Variants in DGKH observed in about 807,000 individuals in gnomAD.
DGKH encodes DAG kinase eta.
In DGKH, 90 loss-of-function variants were observed where a neutral mutation model predicts 159.3. The observed-to-expected ratio is 0.57, with a 90% confidence interval of 0.48 to 0.67. DGKH has a LOEUF of 0.67. Among genes scored for constraint, DGKH ranks in the 30% least tolerant of loss-of-function variants. The pLI is 0.00. For missense variants in DGKH, 1,181 were observed against 1,506.1 expected (o/e 0.78, Z 3.57); for synonymous variants, 536 against 553.8 (o/e 0.97, Z 0.45).
chr13:42,163,132 T>A (rs9594689), intron 7 of DGKH, among the ~76,000 whole-genome samples: 1 of 149,354 alleles, frequency 6.7e-6, no homozygotes. Context: ...TTGTCCTTGC[T>A]ATAGTTTACT....
At chr13:42,180,762 A>G (rs1284091969) in intron 13 of DGKH, among the ~76,000 whole-genome samples, 3 of 152,210 alleles carry the variant, frequency 2.0e-5, no homozygotes, top group Non-Finnish European at 4.4e-5. Context: ...AATTTGCCAT[A>G]AAGAGGCTGA....
In DGKH at chr13:42,229,171, C is replaced by T; in HGVS notation, c.3646C>T (p.Pro1216Ser). Residue 1216 changes from proline to serine, a missense_variant, in exon 30 of 30, where the codon CCA becomes TCA. This residue lies in a region of DGKH where 84 missense variants were observed against 77.9 expected (regional missense o/e 1.08). Transcript: ENST00000337343. ...AATTAAAGAGCTTGGAAGGAGCACT[C>T]CACAGTCGGAGGTGTAATCATATTG... ...QGIKELGRST[P>S]QSEV 1 of 1,610,054 alleles carries T rather than the reference C, an allele frequency of 6.2e-7. No individual in the cohort carries two copies. Among genetic ancestry groups the T allele is most frequent in the Non-Finnish European group, 8.5e-7 (1 of 1,178,898 alleles).
chr13:42,106,844 C>A (rs1295726735), intron 1 of DGKH, among the ~76,000 whole-genome samples: 9 of 151,590 alleles, frequency 5.9e-5, no homozygotes, highest in Non-Finnish European at 1.2e-4. Flanking sequence ...AGTTCAAGAC[C>A]AGCGTGGCTA....
chr13:42,203,675 G>T (rs1189544613), intron 20 of DGKH, among the ~76,000 whole-genome samples: 1 of 152,018 alleles, frequency 6.6e-6, no homozygotes, highest in Non-Finnish European at 1.5e-5. Flanking sequence ...AGAAACATGG[G>T]ATGGCTAGGG....
intron 1 of DGKH, 26 bp from the exon 2 acceptor site, chr13:42,127,437 G>C (rs1955191398): frequency 6.6e-7 from 1 of 1,525,870 alleles, no homozygotes; most frequent in African/African-American, 1.4e-5. Context: ...TTTTAATCGT[G>C]TCATTGTGCT....
upstream of DGKH, among the ~76,000 whole-genome samples, chr13:42,048,020 TG>T (rs903162934): frequency 1.1e-4 from 7 of 66,392 alleles, no homozygotes; most frequent in Non-Finnish European, 1.7e-4. This position sits in a 1 kb window ranked among gnomAD's most constrained non-coding sequence, Gnocchi z 6.7. Flanking sequence ...GTGCGCCGGA[TG>T]GGGGTGGGGG....
intron 29 of DGKH, among the ~76,000 whole-genome samples, chr13:42,222,615 T>C (rs1347188754): frequency 6.6e-6 from 1 of 152,210 alleles, no homozygotes; most frequent in Non-Finnish European, 1.5e-5. Context: ...GGGGGGATCA[T>C]GATATCCAAC....
At chr13:42,254,380 C>A (rs1958642546) in intron 30 of DGKH, among the ~76,000 whole-genome samples, 1 of 152,158 alleles carries the variant, frequency 6.6e-6, no homozygotes, top group Admixed American at 6.5e-5. Flanking sequence ...GTAATCCCAG[C>A]ACTTTGGGAG....
At chr13:42,250,270 C>T (rs1285502685) in intron 29 of DGKH, among the ~76,000 whole-genome samples, 1 of 151,780 alleles carries the variant, frequency 6.6e-6, no homozygotes, top group Non-Finnish European at 1.5e-5. Flanking sequence ...CGACCGGCCA[C>T]TCCAGCTCCT....
At chr13:42,225,404 A>G (rs1958098955) in intron 29 of DGKH, 1 of 1,308,752 alleles carries the variant, frequency 7.6e-7, no homozygotes. Flanking sequence ...GTATGGCTGG[A>G]AGGATAACTG....
In DGKH at chr13:42,229,348, G is replaced by A. The variant is rs1313543609; in HGVS notation, c.*160G>A. On this transcript the variant is annotated 3_prime_UTR_variant, in exon 30 of 30. Coordinates refer to ENST00000337343, the MANE Select transcript of DGKH (RefSeq NM_178009.5). Reference sequence around the variant, plus strand: ...GCTGTGGGTGAAATTTTGATTTGAGGTATTAGAAAATATTTTTGTGCCGAA... The same window carrying A: ...GCTGTGGGTGAAATTTTGATTTGAGATATTAGAAAATATTTTTGTGCCGAA... The A allele has an allele frequency of 5.4e-5, 33 of 605,836 alleles. 1 individual carries two copies. The highest frequency in any genetic ancestry group is 2.8e-6 in the Non-Finnish European group (1 of 360,672). 37.5% of individuals were successfully genotyped at this position (605,836 alleles called of 1,614,324 possible). A position where few individuals can be genotyped will look rare whatever the true frequency, so the allele number is the denominator to read the frequency against.
At chr13:42,049,109 GAA>G in intron 1 of DGKH, 144 bp downstream of exon 1, 1 of 136,434 alleles carries the variant, frequency 7.3e-6, no homozygotes, top group South Asian at 2.7e-4. Context: ...GGAAGGCGGG[GAA>G]GGCGGGGAAG....
chr13:42,176,481 C>T (rs74051967), intron 12 of DGKH, among the ~76,000 whole-genome samples: 13,978 of 152,126 alleles, frequency 0.092, 1,793 homozygotes, highest in African/African-American at 0.29. Flanking sequence ...AGCTCCTGGC[C>T]TCACTTCCTT....
At chr13:42,168,353 A>T (rs745617190) in intron 9 of DGKH, 87 bp from the exon 10 acceptor site, 23 of 1,124,902 alleles carry the variant, frequency 2.0e-5, no homozygotes, top group Non-Finnish European at 2.9e-5. Flanking sequence ...ATTTAATCTG[A>T]ATATGAATAC....
chr13:42,117,438 G>T (rs1388653714), intron 1 of DGKH, among the ~76,000 whole-genome samples: 1 of 152,138 alleles, frequency 6.6e-6, no homozygotes, highest in Non-Finnish European at 1.5e-5. Flanking sequence ...TATGAGAAGC[G>T]TCTGTTTAGC....
intron 1 of DGKH, among the ~76,000 whole-genome samples, chr13:42,109,183 G>C (rs1332551006): frequency 6.6e-6 from 1 of 152,186 alleles, no homozygotes; most frequent in Non-Finnish European, 1.5e-5. Context: ...GGACAGGAAC[G>C]AGAGTAACAC....
chr13:42,110,722 G>GA lies in DGKH; in HGVS notation c.193-16737dup, dbSNP rs200293898. Among the ~76,000 whole-genome samples, 235 of 147,138 alleles carry GA rather than the reference G, an allele frequency of 1.6e-3. 3 individuals carry two copies. The East Asian group carries it at 0.036, about 23-fold the overall frequency. On this transcript the variant is annotated intron_variant, in intron 1 of 29. Transcript: ENST00000337343. ...CCCATCTGTGTTCACATTTGAGAAA[G>GA]AAAATCCTAATCATTAGCATAGCAC...
chr13:42,198,109 G>T (rs897097113), intron 17 of DGKH, among the ~76,000 whole-genome samples: 1 of 152,096 alleles, frequency 6.6e-6, no homozygotes, highest in African/African-American at 2.4e-5. Flanking sequence ...GACATTTTGG[G>T]TAATTCCGCC....
At chr13:42,125,129 A>C (rs1485343212) in intron 1 of DGKH, among the ~76,000 whole-genome samples, 3 of 152,170 alleles carry the variant, frequency 2.0e-5, no homozygotes, top group Admixed American at 2.0e-4. Context: ...TTTTGCACTT[A>C]GAAGAAAAAG....
Sources: gnomAD v4.1 joint callset for allele counts (sites outside exome capture counted in the v4.1 genomes callset) on GRCh38, gnomAD v4.1.1 for gene constraint, gnomAD v4.1.1 regional missense constraint, Gnocchi (gnomAD v3.1) non-coding constraint, MANE v1.5 for transcripts, NCBI Gene and HGNC (gene_info 2026-07-23, HGNC 2026-07-21) for gene names.